The following KCNJ15 variants were observed in gnomAD, a reference collection of about 807,000 sequenced individuals.
KCNJ15 encodes the protein potassium inwardly rectifying channel subfamily J member 15.
A neutral mutation model predicts 23.0 loss-of-function variants in KCNJ15; 14 were observed. The observed-to-expected ratio is 0.61, with a 90% CI of 0.40 to 0.95. The LOEUF is 0.95. KCNJ15 is among the 40% of genes least tolerant of loss of function. The probability of loss-of-function intolerance (pLI) is 0.00; values close to 1 mark genes in which losing one functional copy is unlikely to be tolerated. For synonymous variants in KCNJ15, 185 were observed against 183.2 expected (o/e 1.01, Z -0.08); for missense variants, 388 against 461.8 (o/e 0.84, Z 1.46).
Position 38,240,454 on chromosome 21 carries a change from A to C in KCNJ15, c.-398-16592A>C, listed in dbSNP as rs532397914. 2.6e-5 allele frequency among the ~76,000 whole-genome samples: 4 copies of C among 152,306 alleles called. No homozygotes were observed. In the East Asian group the frequency reaches 7.7e-4, roughly 29 times the overall value. On this transcript the variant is annotated intron_variant, in intron 1 of 4. Coordinates refer to the KCNJ15 transcript ENST00000547341. Reference sequence around the variant, plus strand: ...AGCAAGGAAGTTTTTCTTCAGTTCAAGTATTAATACATGGTCTGGGCTTTA... The same window carrying C: ...AGCAAGGAAGTTTTTCTTCAGTTCACGTATTAATACATGGTCTGGGCTTTA...
intron 1 of KCNJ15, among the ~76,000 whole-genome samples, chr21:38,268,549 T>TG (rs1981709410): frequency 4.9e-5 from 1 of 20,604 alleles, no homozygotes; most frequent in Admixed American, 5.2e-4. Context: ...ACTTAAAATC[T>TG]GAAAAAAAAA....
intron 1 of KCNJ15, among the ~76,000 whole-genome samples, chr21:38,235,222 T>C (rs1319087270): frequency 1.3e-5 from 2 of 152,202 alleles, no homozygotes; most frequent in Non-Finnish European, 2.9e-5. Flanking sequence ...CACAAACTGC[T>C]TTGAGATTTA....
At chr21:38,242,233 A>G (rs1054252767) in intron 1 of KCNJ15, among the ~76,000 whole-genome samples, 6 of 152,200 alleles carry the variant, frequency 3.9e-5, no homozygotes, top group Non-Finnish European at 8.8e-5. Context: ...TTACCCAAAC[A>G]GAAAATGTAA....
chr21:38,267,340 T>C (rs1272193641), intron 1 of KCNJ15: 3 of 152,148 alleles, frequency 2.0e-5, no homozygotes, highest in African/African-American at 4.8e-5. Context: ...GGAGATGCTG[T>C]TAGTGAGCAT....
intron 1 of KCNJ15, among the ~76,000 whole-genome samples, chr21:38,231,982 G>T (rs893578692): frequency 6.6e-6 from 1 of 151,604 alleles, no homozygotes; most frequent in Non-Finnish European, 1.5e-5. Context: ...AATGAGCTAG[G>T]AATTGTTTTC....
intron 1 of KCNJ15, among the ~76,000 whole-genome samples, chr21:38,270,858 T>A (rs1051038749): frequency 3.3e-5 from 5 of 152,264 alleles, no homozygotes; most frequent in African/African-American, 1.2e-4. Context: ...AGTGTATTCA[T>A]ATTTAAGGGA....
chr21:38,285,493 C>G (rs1983789749), intron 1 of KCNJ15: 1 of 152,126 alleles, frequency 6.6e-6, no homozygotes, highest in Non-Finnish European at 1.5e-5. Context: ...GAAGCAGGGT[C>G]CTGTGCTCTT....
intron 1 of KCNJ15, among the ~76,000 whole-genome samples, chr21:38,258,244 G>A (rs1980479036): frequency 6.6e-6 from 1 of 152,140 alleles, no homozygotes; most frequent in African/African-American, 2.4e-5. Flanking sequence ...AATAGCCTTA[G>A]GTGACAAATT....
In KCNJ15 at chr21:38,306,300, T is replaced by C. The variant is rs1304746050; in HGVS notation, c.*5911T>C. ...TCACCCTCAAAAATATTTCAGTAAA[T>C]AAAAGTTAGATCTACTCAAAATTAG... is the stretch of plus-strand genomic sequence containing the variant. On this transcript the variant is annotated 3_prime_UTR_variant, in exon 3 of 3. Coordinates refer to ENST00000398938, the MANE Select transcript of KCNJ15 (RefSeq NM_170736.3). 2 of 151,192 alleles carry C rather than the reference T, an allele frequency of 1.3e-5. No individual in the cohort carries two copies. Among genetic ancestry groups the C allele is most frequent in the Non-Finnish European group, 2.9e-5 (2 of 67,894 alleles). The allele number at this position is 151,192 out of a possible 1,614,324, so 9.4% of individuals were successfully genotyped here. A position where few individuals can be genotyped will look rare whatever the true frequency, so the allele number is the denominator to read the frequency against.
At chr21:38,288,874 TC>T (rs2123700862) in intron 1 of KCNJ15, among the ~76,000 whole-genome samples, 1 of 152,284 alleles carries the variant, frequency 6.6e-6, no homozygotes, top group African/African-American at 2.4e-5. Flanking sequence ...CTGTGAATGC[TC>T]CAACCATGTC....
At chr21:38,266,223 G>A (rs899726847) in intron 1 of KCNJ15, among the ~76,000 whole-genome samples, 1 of 152,166 alleles carries the variant, frequency 6.6e-6, no homozygotes, top group Admixed American at 6.5e-5. Context: ...GCGCCATGGT[G>A]ATTTGCTGCA....
chr21:38,236,410 G>A (rs965838495), intron 1 of KCNJ15, among the ~76,000 whole-genome samples: 20 of 152,134 alleles, frequency 1.3e-4, no homozygotes, highest in African/African-American at 4.8e-4. Flanking sequence ...TCCACCAGGG[G>A]GTAGGGGAGG....
intron 1 of KCNJ15, among the ~76,000 whole-genome samples, chr21:38,260,245 G>A (rs1980741470): frequency 6.6e-6 from 1 of 152,194 alleles, no homozygotes; most frequent in Non-Finnish European, 1.5e-5. Flanking sequence ...GAACTTGACA[G>A]GTGTAGCCTC....
At chr21:38,238,635 G>A in intron 1 of KCNJ15, 1 of 585,712 alleles carries the variant, frequency 1.7e-6, no homozygotes, top group South Asian at 1.6e-5. Flanking sequence ...AGAGCGGGTT[G>A]TGGGCTGACA....
intron 1 of KCNJ15, among the ~76,000 whole-genome samples, chr21:38,258,141 C>T (rs1002768844): frequency 4.0e-5 from 6 of 151,784 alleles, no homozygotes; most frequent in African/African-American, 1.5e-4. Flanking sequence ...CACAAGCACA[C>T]ACTCACACTC....
At chr21:38,234,927 T>G (rs1231242419) in intron 1 of KCNJ15, among the ~76,000 whole-genome samples, 1 of 152,188 alleles carries the variant, frequency 6.6e-6, no homozygotes, top group Non-Finnish European at 1.5e-5. Flanking sequence ...GCCATTCAGG[T>G]ACAGACAATA....
Position 38,301,976 on chromosome 21 carries a change from ACACATG to A in KCNJ15, c.*1592_*1597del, listed in dbSNP as rs1985819022. 1 of 154,658 alleles carries A rather than the reference ACACATG, an allele frequency of 6.5e-6. No individual in the cohort carries two copies. Among genetic ancestry groups the A allele is most frequent in the African/African-American group, 2.5e-5 (1 of 40,326 alleles). 9.6% of individuals were successfully genotyped at this position (154,658 alleles called of 1,614,324 possible). A position where few individuals can be genotyped will look rare whatever the true frequency, so the allele number is the denominator to read the frequency against. ...CACACAGTCACACACGCACACACAC[ACACATG>A]CACACACGCGCGTGCACACACGCAC... On this transcript the variant is annotated 3_prime_UTR_variant, in exon 3 of 3. Transcript: ENST00000398938.
At chr21:38,246,517 G>C (rs1284474467) in intron 1 of KCNJ15, among the ~76,000 whole-genome samples, 2 of 152,042 alleles carry the variant, frequency 1.3e-5, no homozygotes, top group Non-Finnish European at 2.9e-5. Flanking sequence ...TATCTGCTTG[G>C]GGTCTTCAAG....
At chr21:38,230,708 AG>A (rs1214292948) in intron 1 of KCNJ15, among the ~76,000 whole-genome samples, 1 of 152,066 alleles carries the variant, frequency 6.6e-6, no homozygotes, top group Non-Finnish European at 1.5e-5. Flanking sequence ...TAATGTCCTT[AG>A]TGAATTATCT....
Sources: gnomAD v4.1 joint callset for allele counts (sites outside exome capture counted in the v4.1 genomes callset) on GRCh38, gnomAD v4.1.1 for gene constraint, MANE v1.5 for transcripts, NCBI Gene and HGNC (gene_info 2026-07-23, HGNC 2026-07-21) for gene names.